The following PDE1A variants were observed in gnomAD, a reference collection of about 807,000 sequenced individuals.
The protein encoded by PDE1A is phosphodiesterase 1A, also known as dual specificity calcium/calmodulin-dependent 3',5'-cyclic nucleotide phosphodiesterase 1A.
In PDE1A, 35 loss-of-function variants were observed where a neutral mutation model predicts 61.7. The observed-to-expected ratio is 0.57, with a 90% CI of 0.43 to 0.75. PDE1A has a LOEUF of 0.75. PDE1A is among the 30% of genes least tolerant of loss of function. PDE1A has a pLI of 0.00. For synonymous variants in PDE1A, 232 were observed against 213.2 expected (o/e 1.09, Z -0.77); for missense variants, 597 against 630.6 (o/e 0.95, Z 0.57).
At chr2:182,344,809 G>T (rs1698420655) in intron 1 of PDE1A, among the ~76,000 whole-genome samples, 1 of 151,440 alleles carries the variant, frequency 6.6e-6, no homozygotes, top group Admixed American at 6.6e-5. Context: ...AGATTTCAAA[G>T]ATTTTAAGAA....
the PDE1A span, among the ~76,000 whole-genome samples, chr2:182,586,088 C>T: frequency 2.2e-4 from 34 of 152,226 alleles, no homozygotes; most frequent in Middle Eastern, 0.01. Context: ...GAAGCACTTT[C>T]GGTTCTATCT....
chr2:182,633,007 A>C, the PDE1A span, among the ~76,000 whole-genome samples: 133 of 152,350 alleles, frequency 8.7e-4, no homozygotes, highest in African/African-American at 3.0e-3. Context: ...GTATCCATTT[A>C]GGTCTTGAGA....
chr2:182,668,576 G>A, the PDE1A span, among the ~76,000 whole-genome samples: 1 of 152,140 alleles, frequency 6.6e-6, no homozygotes, highest in African/African-American at 2.4e-5. Flanking sequence ...AGGTTCAAGG[G>A]GGAGTTGGTG....
the PDE1A span, among the ~76,000 whole-genome samples, chr2:182,558,766 C>T: frequency 6.6e-6 from 1 of 152,124 alleles, no homozygotes; most frequent in Non-Finnish European, 1.5e-5. Context: ...TCATAGTGTA[C>T]AGTATTTAAA....
Position 182,520,730 on chromosome 2 carries a change from C to A in PDE1A, c.101+1546G>T, listed in dbSNP as rs139386107. ...AAAAATGCAAACAAAACAAAATAAG[C>A]AAAACATCCTTCTAAGGAGAAGAAA... On this transcript the variant is annotated intron_variant, in intron 2 of 14. Transcript: ENST00000410103. Among the ~76,000 whole-genome samples the A allele has an allele frequency of 3.4e-4, 51 of 151,932 alleles. 1 individual carries two copies. In the East Asian group the frequency reaches 9.7e-3, roughly 29 times the overall value.
chr2:182,323,725 G>A (rs2124864355), intron 1 of PDE1A, among the ~76,000 whole-genome samples: 1 of 152,270 alleles, frequency 6.6e-6, no homozygotes, highest in East Asian at 1.9e-4. Context: ...GAAGCCCCCA[G>A]GAACACAAGG....
At chr2:182,507,035 G>T (rs984354000) in intron 2 of PDE1A, among the ~76,000 whole-genome samples, 6 of 152,178 alleles carry the variant, frequency 3.9e-5, no homozygotes, top group Non-Finnish European at 2.9e-5. Context: ...CATTGATAGT[G>T]TTGCTGGTGA....
the PDE1A span, among the ~76,000 whole-genome samples, chr2:182,628,100 T>C: frequency 1.3e-5 from 2 of 152,000 alleles, no homozygotes; most frequent in Non-Finnish European, 2.9e-5. Flanking sequence ...TACCTGAAAA[T>C]GGAACCCTAG....
chr2:182,271,187 A>C lies in PDE1A; in HGVS notation c.54-6773T>G, dbSNP rs577599322. Among the ~76,000 whole-genome samples the C allele has an allele frequency of 1.3e-4, 18 of 141,306 alleles. No homozygotes were observed. The East Asian group carries it at 3.2e-3, about 25-fold the overall frequency. 92.7% of individuals were successfully genotyped at this position (141,306 alleles called of 152,430 possible). The stretch of plus-strand genomic sequence containing the variant: ...AGACTTTTAGGTACCTTTACCACCA[A>C]AAAAAAAAAAAAAAGCTACCTATGT... On this transcript the variant is annotated intron_variant, in intron 1 of 13. Coordinates refer to ENST00000351439, the Ensembl canonical transcript of PDE1A.
upstream of PDE1A, among the ~76,000 whole-genome samples, chr2:182,525,500 T>G (rs889141755): frequency 1.3e-5 from 2 of 152,110 alleles, no homozygotes; most frequent in African/African-American, 4.8e-5. Context: ...GTTCTAGAGG[T>G]GGGGCCTGGT....
chr2:182,524,862 A>G (rs1690752637), upstream of PDE1A, among the ~76,000 whole-genome samples: 1 of 151,890 alleles, frequency 6.6e-6, no homozygotes, highest in Non-Finnish European at 1.5e-5. Context: ...CTTTAACTCT[A>G]CAGTCAGGTA....
chr2:182,344,775 CA>C (rs1698418210), intron 1 of PDE1A, among the ~76,000 whole-genome samples: 1 of 151,642 alleles, frequency 6.6e-6, no homozygotes, highest in Non-Finnish European at 1.5e-5. Flanking sequence ...CACACATACA[CA>C]GTGTGCTCAC....
At chr2:182,534,205 T>A in the PDE1A span, among the ~76,000 whole-genome samples, 1 of 152,038 alleles carries the variant, frequency 6.6e-6, no homozygotes, top group South Asian at 2.1e-4. Context: ...AAATTGTACA[T>A]CTAATGGCTG....
chr2:182,711,188 C>T, the PDE1A span, among the ~76,000 whole-genome samples: 4 of 152,136 alleles, frequency 2.6e-5, no homozygotes, highest in South Asian at 8.3e-4. Flanking sequence ...TAGGTTGGAA[C>T]CTGAGTGGAG....
rs959191678 is a variant in PDE1A at position 182,503,951 on chromosome 2, AGAGTT to A, written c.101+18320_101+18324del. Among the ~76,000 whole-genome samples, 13 of 152,360 alleles carry A rather than the reference AGAGTT, an allele frequency of 8.5e-5. No individual in the cohort carries two copies. In the East Asian group the frequency reaches 9.6e-4, roughly 11 times the overall value. ...AATTAAGTTGTATTAATAAGTCAAC[AGAGTT>A]GAGTTAATAAAAGAATATTAACCCT... On this transcript the variant is annotated intron_variant, in intron 2 of 14. Transcript: ENST00000410103.
chr2:182,451,877 C>CT (rs1169697676), intron 2 of PDE1A, among the ~76,000 whole-genome samples: 1 of 152,068 alleles, frequency 6.6e-6, no homozygotes, highest in Non-Finnish European at 1.5e-5. Context: ...CTCTGCTTTC[C>CT]TTTTTTCCTT....
the PDE1A span, among the ~76,000 whole-genome samples, chr2:182,593,172 T>G: frequency 1.3e-5 from 2 of 152,336 alleles, no homozygotes; most frequent in African/African-American, 4.8e-5. Flanking sequence ...GAAGGTGTTA[T>G]CTACCCAGAA....
upstream of PDE1A, among the ~76,000 whole-genome samples, chr2:182,429,720 C>A (rs186838471): frequency 1.3e-5 from 2 of 151,974 alleles, no homozygotes; most frequent in African/African-American, 2.4e-5. Flanking sequence ...CCAAAAGTAC[C>A]CTAAGAGTGT....
At chr2:182,703,865 C>T in the PDE1A span, among the ~76,000 whole-genome samples, 3 of 151,956 alleles carry the variant, frequency 2.0e-5, no homozygotes, top group Non-Finnish European at 4.4e-5. Context: ...TTCTTGTGGC[C>T]ATGGTTACAG....
Sources: allele counts gnomAD v4.1 joint callset (sites outside exome capture counted in the v4.1 genomes callset), GRCh38; gene constraint gnomAD v4.1.1; transcripts MANE v1.5; gene names NCBI Gene and HGNC (gene_info 2026-07-23, HGNC 2026-07-21).